Variants in ADGRG6 observed in about 807,000 individuals in gnomAD.
The protein encoded by ADGRG6 is adhesion G protein-coupled receptor G6.
Under a neutral mutation model 142.4 loss-of-function variants are expected in ADGRG6, and 84 were observed. The ratio of observed to expected loss-of-function variants is 0.59; its 90% CI spans 0.49 to 0.71. The LOEUF (loss-of-function observed/expected upper bound fraction) is 0.71, where lower values mean the gene tolerates loss of function less well. ADGRG6 is among the 30% of genes least tolerant of loss of function. The pLI is 0.00. For missense variants in ADGRG6, 1,367 were observed against 1,466.6 expected, an observed-to-expected ratio of 0.93 and a Z score of 1.11; for synonymous variants, 521 against 520.5, an observed-to-expected ratio of 1.00 and a Z score of -0.01.
chr6:142,397,869 C>G (rs1775283649), intron 10 of ADGRG6, 114 bp downstream of exon 10: 1 of 615,240 alleles, frequency 1.6e-6, no homozygotes, highest in East Asian at 3.4e-5. Flanking sequence ...AGTTTTTTTT[C>G]TGATGGTGAA....
rs1316989665 is a variant in ADGRG6, at chr6:142,417,348, G to C, written c.3014G>C (p.Gly1005Ala). ...NNEVYGKESYGKEKGDEFCWI... is the reference protein window; with the variant it reads ...NNEVYGKESYAKEKGDEFCWI... ...GAAGTCTATGGAAAAGAAAGTTATG[G>C]GAAAGAAAAAGGTGATGAATTGTAA... The change falls in exon 21 of 25, where the codon GGG (glycine) becomes GCG (alanine). Residue 1005 changes from glycine to alanine, a missense_variant. This residue lies in a region of ADGRG6 where 344 missense variants were observed against 348.7 expected (regional missense o/e 0.99). Coordinates refer to ENST00000367609, the MANE Select transcript of ADGRG6 (RefSeq NM_198569.3). The C allele has an allele frequency of 6.3e-7, 1 of 1,576,114 alleles. No individual in the cohort carries two copies. Among genetic ancestry groups the C allele is most frequent in the Non-Finnish European group, 8.7e-7 (1 of 1,147,888 alleles).
At chr6:142,426,419 A>T (rs1776948829) in intron 22 of ADGRG6, among the ~76,000 whole-genome samples, 1 of 152,164 alleles carries the variant, frequency 6.6e-6, no homozygotes, top group Non-Finnish European at 1.5e-5. Flanking sequence ...CATATCTCAC[A>T]TCTGGGTCAC....
chr6:142,315,065 C>A (rs1671165837), intron 2 of ADGRG6, among the ~76,000 whole-genome samples: 1 of 151,398 alleles, frequency 6.6e-6, no homozygotes, highest in African/African-American at 2.4e-5. Flanking sequence ...AAAGTTTCTT[C>A]TGTGTACTTC....
intron 5 of ADGRG6, among the ~76,000 whole-genome samples, 172 bp downstream of exon 5, chr6:142,382,191 G>A (rs569826807): frequency 3.3e-5 from 5 of 152,164 alleles, no homozygotes; most frequent in South Asian, 4.1e-4. Context: ...CAGTACGTAC[G>A]GCATGGAGAA....
chr6:142,394,096 C>G lies in ADGRG6; in HGVS notation c.1424+138C>G, dbSNP rs910885195. 5 of 575,092 alleles carry G rather than the reference C, an allele frequency of 8.7e-6. No homozygotes were observed. In the Middle Eastern group the frequency reaches 1.4e-3, roughly 161 times the overall value. The allele number at this position is 575,092 out of a possible 1,614,324, so 35.6% of individuals were successfully genotyped here. A position where few individuals can be genotyped will look rare whatever the true frequency, so the allele number is the denominator to read the frequency against. ...CAGTTATTTCTTTAGCACTGCTGTACACTACTTTTTTCTTGTAGTTAAAAC... is the reference window on the plus strand; with the variant it reads ...CAGTTATTTCTTTAGCACTGCTGTAGACTACTTTTTTCTTGTAGTTAAAAC... On this transcript the variant is annotated intron_variant, in intron 9 of 24. Transcript: ENST00000367609.
chr6:142,389,661 T>TC (rs1219951637), intron 6 of ADGRG6, among the ~76,000 whole-genome samples: 1 of 151,940 alleles, frequency 6.6e-6, no homozygotes, highest in African/African-American at 2.4e-5. Context: ...TTTCTTTTTT[T>TC]CCCTCTATTT....
intron 2 of ADGRG6, among the ~76,000 whole-genome samples, chr6:142,353,382 G>A (rs546628445): frequency 1.8e-4 from 28 of 152,210 alleles, no homozygotes; most frequent in Admixed American, 1.2e-3. Flanking sequence ...TCTTGCAATG[G>A]TTTAATCATG....
chr6:142,402,542 C>A, intron 12 of ADGRG6, 78 bp from the exon 13 acceptor site: 1 of 738,472 alleles, frequency 1.4e-6, no homozygotes, highest in South Asian at 1.8e-5. Flanking sequence ...TGAAATATTA[C>A]ACTCTACTTT....
chr6:142,442,654 G>A (rs1777812624), intron 24 of ADGRG6, among the ~76,000 whole-genome samples: 1 of 151,626 alleles, frequency 6.6e-6, no homozygotes. Context: ...TAATAACTTT[G>A]ATTGCTACAA....
intron 6 of ADGRG6, among the ~76,000 whole-genome samples, chr6:142,388,220 C>A (rs1383024199): frequency 6.6e-6 from 1 of 152,128 alleles, no homozygotes. Flanking sequence ...TTGTTGACTG[C>A]ACTATTCCAA....
In ADGRG6 at chr6:142,349,780, G is replaced by T. The variant is rs1197224082; in HGVS notation, c.104-17789G>T. Among the ~76,000 whole-genome samples the T allele has an allele frequency of 3.3e-5, 5 of 152,158 alleles. No individual in the cohort carries two copies. In the South Asian group the frequency reaches 1.0e-3, roughly 31 times the overall value. Reference sequence around the variant, plus strand: ...TAGGAATAAATCATGATTTAGAGAGGTTGAATAACTTGCCCAAGGTTACAT... The same window carrying T: ...TAGGAATAAATCATGATTTAGAGAGTTTGAATAACTTGCCCAAGGTTACAT... On this transcript the variant is annotated intron_variant, in intron 2 of 24. Coordinates refer to ENST00000367609, the MANE Select transcript of ADGRG6 (RefSeq NM_198569.3).
chr6:142,376,076 C>A (rs1781482876), intron 4 of ADGRG6, among the ~76,000 whole-genome samples: 2 of 152,082 alleles, frequency 1.3e-5, no homozygotes, highest in Admixed American at 1.3e-4. Context: ...AAATCTGCTT[C>A]ATTTTATAGC....
chr6:142,418,210 A>C (rs577620096), intron 21 of ADGRG6, among the ~76,000 whole-genome samples: 1 of 151,612 alleles, frequency 6.6e-6, no homozygotes, highest in African/African-American at 2.4e-5. Context: ...AGGCAGGAGA[A>C]TCATTTGAAT....
chr6:142,332,465 C>A (rs543134327), intron 2 of ADGRG6, among the ~76,000 whole-genome samples: 1 of 149,052 alleles, frequency 6.7e-6, no homozygotes, highest in East Asian at 2.0e-4. Flanking sequence ...CCACTAAATT[C>A]GAATTTTTTA....
At chr6:142,442,428 GT>G (rs1035945960) in intron 24 of ADGRG6, among the ~76,000 whole-genome samples, 11 of 152,094 alleles carry the variant, frequency 7.2e-5, no homozygotes, top group Non-Finnish European at 1.3e-4. Flanking sequence ...TAGAGCATAA[GT>G]GGGTTTCAGA....
At chr6:142,305,279 T>G (rs888828187) in intron 1 of ADGRG6, among the ~76,000 whole-genome samples, 2 of 152,160 alleles carry the variant, frequency 1.3e-5, no homozygotes, top group African/African-American at 4.8e-5. Context: ...AGAAATCATT[T>G]TAAATCTACA....
chr6:142,338,013 C>CTTTTT (rs1779405902), intron 2 of ADGRG6, among the ~76,000 whole-genome samples: 4 of 26,038 alleles, frequency 1.5e-4, no homozygotes, highest in Non-Finnish European at 2.1e-4. Context: ...TGCCTTGTAT[C>CTTTTT]TTTGTTTTTT....
intron 2 of ADGRG6, among the ~76,000 whole-genome samples, chr6:142,356,192 G>A (rs1038927566): frequency 6.6e-6 from 1 of 152,224 alleles, no homozygotes; most frequent in Non-Finnish European, 1.5e-5. Flanking sequence ...AAACTAAGCT[G>A]TTAGGCATCA....
At chr6:142,304,541 A>G (rs748067051) in intron 1 of ADGRG6, among the ~76,000 whole-genome samples, 16 of 152,192 alleles carry the variant, frequency 1.1e-4, no homozygotes, top group Non-Finnish European at 2.4e-4. Context: ...GTAGTTTTGT[A>G]GCCTAACTGG....
Sources: allele counts gnomAD v4.1 joint callset (sites outside exome capture counted in the v4.1 genomes callset), GRCh38; gene constraint gnomAD v4.1.1; regional missense constraint gnomAD v4.1.1; transcripts MANE v1.5; gene names NCBI Gene and HGNC (gene_info 2026-07-23, HGNC 2026-07-21).